Variants in TUT4 observed in about 807,000 individuals in gnomAD.
TUT4 encodes terminal uridylyltransferase 4.
A neutral mutation model predicts 192.2 loss-of-function variants in TUT4; 36 were observed. That is an observed-to-expected ratio of 0.19 (90% CI 0.14 to 0.25). TUT4 has a LOEUF of 0.25. Ranked by LOEUF, TUT4 falls within the 10% of genes least tolerant of loss-of-function variation. The pLI is 1.00. For synonymous variants in TUT4, 618 were observed against 666.0 expected (o/e 0.93, Z 1.11); for missense variants, 1,493 against 1,957.2 (o/e 0.76, Z 4.47).
chr1:52,509,788 T>C, intron 3 of TUT4, 76 bp from the exon 4 acceptor site: 1 of 841,430 alleles, frequency 1.2e-6, no homozygotes, highest in Non-Finnish European at 2.0e-6. Context: ...AAGTGAATAA[T>C]ACAATTATGT....
chr1:52,444,907 ATG>A (rs1194166888), intron 24 of TUT4, among the ~76,000 whole-genome samples: 1 of 126,640 alleles, frequency 7.9e-6, no homozygotes. Context: ...GTATATATAT[ATG>A]TATATACATG....
chr1:52,470,263 A>G (rs1174144552), intron 14 of TUT4, among the ~76,000 whole-genome samples: 1 of 152,210 alleles, frequency 6.6e-6, no homozygotes, highest in African/African-American at 2.4e-5. Context: ...CCAATGGCCA[A>G]AGCTAGAATA....
chr1:52,428,624 TAAAAAAAAAA>T (rs772389695), intron 28 of TUT4, among the ~76,000 whole-genome samples: 1 of 72,902 alleles, frequency 1.4e-5, no homozygotes, highest in Non-Finnish European at 2.7e-5. Flanking sequence ...AGACTCCCTC[TAAAAAAAAAA>T]AAAAAAAAAA....
At chr1:52,539,212 T>A (rs1241387374) in intron 1 of TUT4, among the ~76,000 whole-genome samples, 1 of 152,178 alleles carries the variant, frequency 6.6e-6, no homozygotes. Flanking sequence ...TCATTTTGAA[T>A]GATATGAATA....
chr1:52,544,040 G>A (rs1003934349), intron 1 of TUT4, among the ~76,000 whole-genome samples: 4 of 151,458 alleles, frequency 2.6e-5, no homozygotes, highest in African/African-American at 9.7e-5. Context: ...TGTAATCCCA[G>A]CACTTCGGGA....
At chr1:52,516,606 T>C (rs116357582) in intron 2 of TUT4, among the ~76,000 whole-genome samples, 2,127 of 152,306 alleles carry the variant, frequency 0.014, 49 homozygotes, top group African/African-American at 0.049. Flanking sequence ...GCACAGACTA[T>C]GTTTTCACCT....
chr1:52,442,765 G>A (rs1304470348), intron 24 of TUT4, among the ~76,000 whole-genome samples: 2 of 152,142 alleles, frequency 1.3e-5, no homozygotes, highest in South Asian at 2.1e-4. Context: ...TCCAAGTTAT[G>A]GAATACTACA....
intron 9 of TUT4, among the ~76,000 whole-genome samples, chr1:52,487,282 C>CAAAAATA (rs942095354): frequency 4.6e-5 from 7 of 151,644 alleles, no homozygotes; most frequent in South Asian, 2.1e-4. Context: ...CCCATCTCTA[C>CAAAAATA]AAAAATAAAA....
chr1:52,458,467 T>C lies in TUT4; in HGVS notation c.3322-18A>G. 1 of 1,585,208 alleles carries C rather than the reference T, an allele frequency of 6.3e-7. No homozygotes were observed. The highest frequency in any genetic ancestry group is 8.6e-7 in the Non-Finnish European group (1 of 1,156,888). ...TCACATCGCTAAAAAACAACATGAT[T>C]GAAAACAAAACTTCAGAGTCTTACT... On this transcript the variant is annotated intron_variant, in intron 19 of 29. Coordinates refer to ENST00000257177, the MANE Select transcript of TUT4 (RefSeq NM_001009881.3).
At chr1:52,542,573 T>C (rs959269779) in intron 1 of TUT4, among the ~76,000 whole-genome samples, 4 of 152,034 alleles carry the variant, frequency 2.6e-5, no homozygotes, top group Admixed American at 6.6e-5. Flanking sequence ...TCTGACAAAA[T>C]TCAATACCCT....
intron 13 of TUT4, among the ~76,000 whole-genome samples, chr1:52,473,116 G>A (rs569358326): frequency 1.3e-5 from 2 of 152,144 alleles, no homozygotes; most frequent in Admixed American, 6.5e-5. Flanking sequence ...TAAAGCATAA[G>A]ACATGTAAAC....
At chr1:52,488,819 CAT>C (rs1670453060) in intron 9 of TUT4, 88 bp downstream of exon 9, 4 of 1,304,372 alleles carry the variant, frequency 3.1e-6, no homozygotes, top group Admixed American at 2.9e-5. Context: ...ATTGATGTTA[CAT>C]GTCAGTACAA....
chr1:52,549,906 A>G (rs978193968), intron 1 of TUT4, among the ~76,000 whole-genome samples: 3 of 152,202 alleles, frequency 2.0e-5, no homozygotes, highest in African/African-American at 4.8e-5. Context: ...TAGATATCCA[A>G]TGAGATGATG....
rs777810556 is a variant in TUT4 at position 52,526,258 on chromosome 1, T to C, written c.23A>G (p.Lys8Arg). The change falls in exon 2 of 30, where the codon AAA becomes AGA. Residue 8 changes from lysine (K) to arginine (R), a missense_variant. By Grantham distance (26) the Lys-to-Arg change is conservative. This residue lies in a region of TUT4 where 260 missense variants were observed against 247.8 expected (regional missense o/e 1.05). Transcript: ENST00000257177. MEESKTL[K>R]SENHEPKKNV... is the part of the protein sequence containing the mutation. ...CTTCTTTGGTTCATGATTTTCACTTTTTAAGGTTTTAGACTCTTCCATTAT... is the reference window on the plus strand; with the variant it reads ...CTTCTTTGGTTCATGATTTTCACTTCTTAAGGTTTTAGACTCTTCCATTAT... 1.9e-6 allele frequency: 3 copies of C among 1,574,432 alleles called. No homozygotes were observed. The highest frequency in any genetic ancestry group is 4.0e-5 in the Admixed American group (2 of 50,614).
intron 11 of TUT4, among the ~76,000 whole-genome samples, chr1:52,481,006 T>C (rs774241533): frequency 2.0e-5 from 3 of 152,196 alleles, no homozygotes; most frequent in Non-Finnish European, 4.4e-5. Context: ...CTCAAGATAA[T>C]GCCTGGCACA....
intron 1 of TUT4, among the ~76,000 whole-genome samples, chr1:52,547,870 T>C (rs745871541): frequency 5.9e-5 from 9 of 152,158 alleles, no homozygotes; most frequent in Middle Eastern, 3.2e-3. Flanking sequence ...TGGGGAGTGA[T>C]TGTTAATGGG....
chr1:52,436,837 A>C lies in TUT4; in HGVS notation c.4080T>G (p.Cys1360Trp). The C allele has an allele frequency of 6.2e-7, 1 of 1,611,516 alleles. No homozygotes were observed. The highest frequency in any genetic ancestry group is 8.5e-7 in the Non-Finnish European group (1 of 1,179,706). ...RDFRDPRDLR[C>W]FICGDAGHVR... ...CATGTCCAGCATCTCCACATATAAA[A>C]CATCTGAGGTCTCTCGGGTCTCTAA... Residue 1360 changes from cysteine (C) to tryptophan (W), a missense_variant, in exon 26 of 30, where the codon TGT becomes TGG. This residue lies in a region of TUT4 where 351 missense variants were observed against 397.8 expected (regional missense o/e 0.88). Coordinates refer to ENST00000257177, the MANE Select transcript of TUT4 (RefSeq NM_001009881.3).
At chr1:52,495,570 T>TA (rs1430282213) in intron 5 of TUT4, 55 bp from the exon 6 acceptor site, 8 of 1,373,282 alleles carry the variant, frequency 5.8e-6, no homozygotes, top group South Asian at 2.5e-5. Flanking sequence ...ATGAGAGATG[T>TA]AAAAAAACAG....
At chr1:52,547,150 C>T (rs1688282718) in intron 1 of TUT4, among the ~76,000 whole-genome samples, 1 of 147,516 alleles carries the variant, frequency 6.8e-6, no homozygotes, top group South Asian at 2.2e-4. Flanking sequence ...TAGAGCAAGA[C>T]TGTCTCAAAA....
Sources: allele counts gnomAD v4.1 joint callset (sites outside exome capture counted in the v4.1 genomes callset), GRCh38; gene constraint gnomAD v4.1.1; regional missense constraint gnomAD v4.1.1; transcripts MANE v1.5; gene names NCBI Gene and HGNC (gene_info 2026-07-23, HGNC 2026-07-21).